The following HEPACAM variants were observed in gnomAD, a reference collection of about 807,000 sequenced individuals.
HEPACAM encodes the protein hepatocyte cell adhesion molecule.
Under a neutral mutation model 38.3 loss-of-function variants are expected in HEPACAM, and 18 were observed. The ratio of observed to expected loss-of-function variants is 0.47; its 90% CI spans 0.33 to 0.70. The LOEUF (loss-of-function observed/expected upper bound fraction) is 0.70, where lower values mean the gene tolerates loss of function less well. Among genes scored for constraint, HEPACAM ranks in the 30% least tolerant of loss-of-function variants. The pLI is 0.03. For missense variants in HEPACAM, 466 were observed against 563.0 expected (o/e 0.83, Z 1.74); for synonymous variants, 216 against 243.1 (o/e 0.89, Z 1.04).
Position 124,920,956 on chromosome 11 carries a change from TGCC to T in HEPACAM, c.*179_*181del. Reference sequence around the variant, plus strand: ...CGACCCGGTTTCACCATATCAACACTGCCGCCTCCGCGCACCCGCCTCCGTCTG... The same window carrying T: ...CGACCCGGTTTCACCATATCAACACTGCCTCCGCGCACCCGCCTCCGTCTG... On this transcript the variant is annotated 3_prime_UTR_variant, in exon 7 of 7. Coordinates refer to ENST00000298251, the MANE Select transcript of HEPACAM (RefSeq NM_152722.5). 2.9e-6 allele frequency: 4 copies of T among 1,367,330 alleles called. No individual in the cohort carries two copies. Among genetic ancestry groups the T allele is most frequent in the Non-Finnish European group, 3.8e-6 (4 of 1,064,054 alleles). 84.7% of individuals were successfully genotyped at this position (1,367,330 alleles called of 1,614,324 possible).
Position 124,924,766 on chromosome 11 carries a change from G to A in HEPACAM, c.389C>T (p.Thr130Ile), listed in dbSNP as rs760592475. The change falls in exon 2 of 7, where the codon ACC (threonine) becomes ATC (isoleucine). Residue 130 changes from threonine to isoleucine, a missense_variant. Coordinates refer to ENST00000298251, the MANE Select transcript of HEPACAM (RefSeq NM_152722.5). This position sits in a 1 kb window ranked among gnomAD's most constrained non-coding sequence, Gnocchi z 4.4. ...GTTGATGGTCTTCTCCCCAGTGAAG[G>A]TGTCGTCGGTGATGGAGATCTCGAC... ...YEVEISITDD[T>I]FTGEKTINLT... 2 of 1,614,126 alleles carry A rather than the reference G, an allele frequency of 1.2e-6. No homozygotes were observed. Among genetic ancestry groups the A allele is most frequent in the East Asian group, 4.5e-5 (2 of 44,856 alleles).
In HEPACAM at chr11:124,920,779, A is replaced by G. The variant is rs541141731; in HGVS notation, c.*359T>C. Reference sequence around the variant, plus strand: ...TGGGAAACAACACAGCTCCCTAGGAAGAGCACAGGATAGTCACGGGGGTTA... The same window carrying G: ...TGGGAAACAACACAGCTCCCTAGGAGGAGCACAGGATAGTCACGGGGGTTA... On this transcript the variant is annotated 3_prime_UTR_variant, in exon 7 of 7. Coordinates refer to ENST00000298251, the MANE Select transcript of HEPACAM (RefSeq NM_152722.5). 2 of 1,079,084 alleles carry G rather than the reference A, an allele frequency of 1.9e-6. No individual in the cohort carries two copies. The highest frequency in any genetic ancestry group is 1.7e-5 in the African/African-American group (1 of 59,622). The allele number at this position is 1,079,084 out of a possible 1,614,324, so 66.8% of individuals were successfully genotyped here.
At position 124,920,677 on chromosome 11, in the gene HEPACAM, G is replaced by GAAAAAAAAA. The variant is rs1565336612; in HGVS notation, c.*460_*461insTTTTTTTTT. The GAAAAAAAAA allele has an allele frequency of 4.8e-4, 52 of 108,146 alleles. 4 individuals are homozygous for GAAAAAAAAA. The African/African-American group carries it at 8.0e-3, about 17-fold the overall frequency. 6.7% of individuals were successfully genotyped at this position (108,146 alleles called of 1,614,324 possible). ...AAAGTGGCCTCTCTAATCTGAACTT[G>GAAAAAAAAA]CAAAAAAAAAAAAAAAAAAAAAAAA... On this transcript the variant is annotated 3_prime_UTR_variant, in exon 7 of 7. Coordinates refer to ENST00000298251, the MANE Select transcript of HEPACAM (RefSeq NM_152722.5).
chr11:124,920,683 A>C lies in HEPACAM; in HGVS notation c.*455T>G. On this transcript the variant is annotated 3_prime_UTR_variant, in exon 7 of 7. Coordinates refer to ENST00000298251, the MANE Select transcript of HEPACAM (RefSeq NM_152722.5). ...GCCTCTCTAATCTGAACTTGCAAAA[A>C]AAAAAAAAAAAAAAAAAAAAAAAAA... 7.5e-6 allele frequency: 6 copies of C among 802,922 alleles called. No homozygotes were observed. In the African/African-American group the frequency reaches 1.3e-4, roughly 17 times the overall value. 49.7% of individuals were successfully genotyped at this position (802,922 alleles called of 1,614,324 possible). A position where few individuals can be genotyped will look rare whatever the true frequency, so the allele number is the denominator to read the frequency against.
intron 1 of HEPACAM, among the ~76,000 whole-genome samples, chr11:124,933,583 T>A (rs1352265614): frequency 2.0e-5 from 3 of 152,220 alleles, no homozygotes; most frequent in Admixed American, 1.3e-4. Flanking sequence ...TTCTATAATT[T>A]TTTTCCTTAC....
Position 124,920,677 on chromosome 11 carries a change from G to GA in HEPACAM, c.*460_*461insT, listed in dbSNP as rs1565336612. On this transcript the variant is annotated 3_prime_UTR_variant, in exon 7 of 7. Coordinates refer to ENST00000298251, the MANE Select transcript of HEPACAM (RefSeq NM_152722.5). ...AAAGTGGCCTCTCTAATCTGAACTT[G>GA]CAAAAAAAAAAAAAAAAAAAAAAAA... 210 of 108,090 alleles carry GA rather than the reference G, an allele frequency of 1.9e-3. 1 individual carries two copies. Among genetic ancestry groups the GA allele is most frequent in the South Asian group, 4.2e-3 (24 of 5,744 alleles). The allele number at this position is 108,090 out of a possible 1,614,324, so 6.7% of individuals were successfully genotyped here. A position where few individuals can be genotyped will look rare whatever the true frequency, so the allele number is the denominator to read the frequency against.
At chr11:124,933,061 C>G (rs1460716000) in intron 1 of HEPACAM, among the ~76,000 whole-genome samples, 1 of 152,310 alleles carries the variant, frequency 6.6e-6, no homozygotes, top group East Asian at 1.9e-4. Flanking sequence ...GGGATTCCTT[C>G]TAGAATCTCA....
Position 124,925,004 on chromosome 11 carries a change from C to A in HEPACAM, c.151G>T (p.Ala51Ser). ...CTGCTGTACTGCACAGAAAGCAGAG[C>A]CGACTTCCCCACGGTGCCATGGATC... ...RLIHGTVGKS[A>S]LLSVQYSSTS... The change falls in exon 2 of 7, where the codon GCT (alanine) becomes TCT (serine). Residue 51 changes from alanine (A) to serine (S), a missense_variant. By Grantham distance (99) the Ala-to-Ser change is moderately conservative (BLOSUM62 1). Coordinates refer to ENST00000298251, the MANE Select transcript of HEPACAM (RefSeq NM_152722.5). 6.2e-7 allele frequency: 1 copy of A among 1,607,586 alleles called. No homozygotes were observed. Among genetic ancestry groups the A allele is most frequent in the South Asian group, 1.1e-5 (1 of 90,942 alleles).
intron 4 of HEPACAM, 92 bp downstream of exon 4, chr11:124,923,248 G>A (rs1469764284): frequency 2.3e-6 from 2 of 864,648 alleles, no homozygotes; most frequent in African/African-American, 1.6e-5. Context: ...AAAACCCTGG[G>A]AGGAAAGGCA....
chr11:124,924,685 C>T lies in HEPACAM; in HGVS notation c.427+43G>A, dbSNP rs781722001. ...TGCGCTGGGCAGACCTTTCCCTAGT[C>T]CCACCTGCCAGTCTTGCCTCTTTCC... On this transcript the variant is annotated intron_variant, in intron 2 of 6. Coordinates refer to ENST00000298251, the MANE Select transcript of HEPACAM (RefSeq NM_152722.5). This position sits in a 1 kb window ranked among gnomAD's most constrained non-coding sequence, Gnocchi z 4.4. The T allele has an allele frequency of 1.3e-6, 2 of 1,552,120 alleles. No individual in the cohort carries two copies. Among genetic ancestry groups the T allele is most frequent in the Non-Finnish European group, 1.8e-6 (2 of 1,123,778 alleles).
rs781186280 is a variant in HEPACAM, at chr11:124,921,791, T to G, written c.949-351A>C. ...AAGACCTAGGTTTGAAACCTAGATC[T>G]GCCACTCATTGACTTGTTTAATCCT... On this transcript the variant is annotated intron_variant, in intron 6 of 6. Coordinates refer to ENST00000298251, the MANE Select transcript of HEPACAM (RefSeq NM_152722.5). This position sits in a 1 kb window ranked among gnomAD's most constrained non-coding sequence, Gnocchi z 4.6. Among the ~76,000 whole-genome samples the G allele has an allele frequency of 5.9e-5, 9 of 152,210 alleles. No individual in the cohort carries two copies. Among genetic ancestry groups the G allele is most frequent in the Non-Finnish European group, 1.3e-4 (9 of 68,040 alleles).
rs1191359821 is a variant in HEPACAM at position 124,924,160 on chromosome 11, T to C, written c.428-150A>G. 4 of 760,928 alleles carry C rather than the reference T, an allele frequency of 5.3e-6. No homozygotes were observed. In the Admixed American group the frequency reaches 8.5e-5, roughly 16 times the overall value. 47.1% of individuals were successfully genotyped at this position (760,928 alleles called of 1,614,324 possible). A position where few individuals can be genotyped will look rare whatever the true frequency, so the allele number is the denominator to read the frequency against. ...AGACTTCAGACATCCTAAGTCCAGT[T>C]CTTTCCCATCGCTTATTCATTCGTT... On this transcript the variant is annotated intron_variant, in intron 2 of 6. Coordinates refer to ENST00000298251, the MANE Select transcript of HEPACAM (RefSeq NM_152722.5). This position sits in a 1 kb window ranked among gnomAD's most constrained non-coding sequence, Gnocchi z 4.4.
Position 124,922,380 on chromosome 11 carries a change from C to T in HEPACAM, c.948+8G>A, listed in dbSNP as rs1266278286. On this transcript the variant is annotated splice_region_variant and intron_variant, in intron 6 of 6. Transcript: ENST00000298251. ...ATGTTTCTGGGCACCCAGTCCAGAGCCGCTCACCTTGTCCTTCAGGATATA... is the reference window on the plus strand; with the variant it reads ...ATGTTTCTGGGCACCCAGTCCAGAGTCGCTCACCTTGTCCTTCAGGATATA... 1.2e-6 allele frequency: 2 copies of T among 1,613,694 alleles called. No individual in the cohort carries two copies. The highest frequency in any genetic ancestry group is 1.7e-4 in the Middle Eastern group (1 of 6,058).
Position 124,924,602 on chromosome 11 carries a change from T to C in HEPACAM, c.427+126A>G. ...CTGTCTGCCAACTTCTAATGTCCAC[T>C]TGCCTCATTCTCAGCTCCCAAGTGC... is the stretch of plus-strand genomic sequence containing the variant. On this transcript the variant is annotated intron_variant, in intron 2 of 6. Coordinates refer to ENST00000298251, the MANE Select transcript of HEPACAM (RefSeq NM_152722.5). This position sits in a 1 kb window ranked among gnomAD's most constrained non-coding sequence, Gnocchi z 4.4. The C allele has an allele frequency of 1.2e-6, 1 of 838,862 alleles. No homozygotes were observed. The highest frequency in any genetic ancestry group is 1.3e-5 in the South Asian group (1 of 75,032). The allele number at this position is 838,862 out of a possible 1,614,324, so 52.0% of individuals were successfully genotyped here. A position where few individuals can be genotyped will look rare whatever the true frequency, so the allele number is the denominator to read the frequency against.
At chr11:124,922,848 C>T (rs766063171) in intron 4 of HEPACAM, 30 bp from the exon 5 acceptor site, 22 of 1,610,514 alleles carry the variant, frequency 1.4e-5, no homozygotes, top group Middle Eastern at 1.6e-4. Flanking sequence ...CACTATGAGC[C>T]GAATTATTGA....
chr11:124,924,460 G>C lies in HEPACAM; in HGVS notation c.427+268C>G, dbSNP rs1174049585. 2.0e-5 allele frequency among the ~76,000 whole-genome samples: 3 copies of C among 152,136 alleles called. No homozygotes were observed. The highest frequency in any genetic ancestry group is 7.2e-5 in the African/African-American group (3 of 41,410). ...TCACTTTCCTCATCTGCAAAATTAG[G>C]ATAATGATATGAACTATCACCAGAC... On this transcript the variant is annotated intron_variant, in intron 2 of 6. Coordinates refer to ENST00000298251, the MANE Select transcript of HEPACAM (RefSeq NM_152722.5). The surrounding 1 kb of genome is among the most constrained non-coding windows in gnomAD (Gnocchi z 4.4).
Position 124,919,784 on chromosome 11 carries a change from G to A in HEPACAM, c.*1354C>T, listed in dbSNP as rs773210098. The A allele has an allele frequency of 1.9e-6, 3 of 1,614,030 alleles. No individual in the cohort carries two copies. Among genetic ancestry groups the A allele is most frequent in the Admixed American group, 1.7e-5 (1 of 60,006 alleles). On this transcript the variant is annotated 3_prime_UTR_variant, in exon 7 of 7. Transcript: ENST00000298251. ...CTGGGGCCTTGGAATTGCTCCATGGGTTGATGGCGAATCAGAGCTGGAGTT... is the reference window on the plus strand; with the variant it reads ...CTGGGGCCTTGGAATTGCTCCATGGATTGATGGCGAATCAGAGCTGGAGTT...
rs547906738 is a variant in HEPACAM at position 124,921,064 on chromosome 11, G to C, written c.*74C>G. 6.6e-4 allele frequency: 975 copies of C among 1,478,886 alleles called. 10 individuals are homozygous for C. In the African/African-American group the frequency reaches 0.012, roughly 19 times the overall value. The allele number at this position is 1,478,886 out of a possible 1,614,324, so 91.6% of individuals were successfully genotyped here. On this transcript the variant is annotated 3_prime_UTR_variant, in exon 7 of 7. Coordinates refer to ENST00000298251, the MANE Select transcript of HEPACAM (RefSeq NM_152722.5). The surrounding 1 kb of genome is among the most constrained non-coding windows in gnomAD (Gnocchi z 4.6). ...CTCGTCCCCAGCGCGCCGCGCCCGG[G>C]CTTCCCAGCCCCAGCTTTCCCCCGG...
At chr11:124,933,657 T>C (rs529241900) in intron 1 of HEPACAM, among the ~76,000 whole-genome samples, 1 of 152,326 alleles carries the variant, frequency 6.6e-6, no homozygotes, top group Admixed American at 6.5e-5. Context: ...GTTCCTATTC[T>C]CAACTCACTG....
Sources: gnomAD v4.1 joint callset for allele counts (sites outside exome capture counted in the v4.1 genomes callset) on GRCh38, gnomAD v4.1.1 for gene constraint, Gnocchi (gnomAD v3.1) non-coding constraint, MANE v1.5 for transcripts, NCBI Gene and HGNC (gene_info 2026-07-23, HGNC 2026-07-21) for gene names.